SGCZ: variants seen among roughly 807,000 people sequenced by gnomAD.
The protein encoded by SGCZ is zeta-sarcoglycan.
A neutral mutation model predicts 41.3 loss-of-function variants in SGCZ; 40 were observed. The ratio of observed to expected loss-of-function variants is 0.97; its 90% CI spans 0.75 to 1.26. The LOEUF (loss-of-function observed/expected upper bound fraction) is 1.26, where lower values mean the gene tolerates loss of function less well. SGCZ is among the 50% of genes most tolerant of loss of function. The pLI, the probability that SGCZ is intolerant of heterozygous loss-of-function variation, is 0.00. For synonymous variants in SGCZ, 206 were observed against 137.5 expected, an observed-to-expected ratio of 1.50 and a Z score of -3.49; for missense variants, 552 against 369.8, an observed-to-expected ratio of 1.49 and a Z score of -4.04.
At chr8:14,452,912 C>T (rs878995679) in intron 2 of SGCZ, among the ~76,000 whole-genome samples, 3 of 151,840 alleles carry the variant, frequency 2.0e-5, no homozygotes. Context: ...AGACCAGCTT[C>T]GTCAACATGG....
chr8:14,628,327 A>C (rs548664509), intron 1 of SGCZ, among the ~76,000 whole-genome samples: 2 of 144,432 alleles, frequency 1.4e-5, no homozygotes, highest in African/African-American at 5.0e-5. Context: ...CTATAAGGAA[A>C]GAAAATATTA....
chr8:14,290,020 C>T (rs1051938322), intron 3 of SGCZ, among the ~76,000 whole-genome samples: 2 of 151,886 alleles, frequency 1.3e-5, no homozygotes, highest in African/African-American at 4.8e-5. Flanking sequence ...CCAGCATTAT[C>T]ACGAGAACAG....
chr8:15,133,409 G>C (rs776171977), intron 1 of SGCZ, among the ~76,000 whole-genome samples: 4 of 152,072 alleles, frequency 2.6e-5, no homozygotes, highest in African/African-American at 4.8e-5. Context: ...ATCTCTACAG[G>C]TCATGATTTC....
At chr8:15,209,450 G>A (rs1025084382) in intron 1 of SGCZ, among the ~76,000 whole-genome samples, 1 of 146,006 alleles carries the variant, frequency 6.8e-6, no homozygotes, top group Non-Finnish European at 1.5e-5. Flanking sequence ...CACAGGAACA[G>A]CGAAGTTACG....
intron 1 of SGCZ, among the ~76,000 whole-genome samples, chr8:14,769,891 C>A (rs1252697241): frequency 6.8e-6 from 1 of 147,838 alleles, no homozygotes; most frequent in Admixed American, 6.8e-5. Flanking sequence ...CAAGGTGCAA[C>A]TCGATTGGAC....
chr8:14,300,640 G>A (rs540413595), intron 3 of SGCZ, among the ~76,000 whole-genome samples: 7 of 151,930 alleles, frequency 4.6e-5, no homozygotes, highest in South Asian at 2.1e-4. Context: ...ATAAGTAATC[G>A]CTGGGTGGAA....
chr8:14,408,091 TCTAA>T lies in SGCZ; in HGVS notation c.235-83891_235-83888del, dbSNP rs200259569. ...GGGAATTCACTTCCTTTTCACATTC[TCTAA>T]CTACCTCTTTTACTTCAATAGCATG... On this transcript the variant is annotated intron_variant, in intron 2 of 7. Coordinates refer to ENST00000382080, the MANE Select transcript of SGCZ (RefSeq NM_139167.4). Among the ~76,000 whole-genome samples, 237 of 152,288 alleles carry T rather than the reference TCTAA, an allele frequency of 1.6e-3. 1 individual carries two copies. Among genetic ancestry groups the T allele is most frequent in the Admixed American group, 0.014 (207 of 15,288 alleles).
intron 3 of SGCZ, among the ~76,000 whole-genome samples, chr8:14,272,493 T>A (rs1265530160): frequency 6.6e-6 from 1 of 152,186 alleles, no homozygotes; most frequent in African/African-American, 2.4e-5. Context: ...GTGGGGTGAA[T>A]GACTTAATGT....
intron 1 of SGCZ, among the ~76,000 whole-genome samples, chr8:14,799,600 C>T (rs1453748160): frequency 1.3e-5 from 2 of 152,092 alleles, no homozygotes; most frequent in Non-Finnish European, 2.9e-5. Context: ...CTCAAGTTCC[C>T]CTTCTGAACT....
intron 1 of SGCZ, among the ~76,000 whole-genome samples, chr8:15,210,887 C>T (rs1902621): frequency 1.3e-5 from 2 of 151,832 alleles, no homozygotes; most frequent in Admixed American, 6.6e-5. Flanking sequence ...TTTAGAACCC[C>T]ACATCCAGCA....
intron 3 of SGCZ, chr8:14,309,569 C>T: frequency 6.2e-7 from 1 of 1,610,702 alleles, no homozygotes; most frequent in Non-Finnish European, 8.5e-7. Flanking sequence ...GACGGTATAA[C>T]AAGGAAAGGT....
intron 1 of SGCZ, among the ~76,000 whole-genome samples, chr8:14,762,699 T>C (rs1230729813): frequency 1.3e-5 from 2 of 152,244 alleles, no homozygotes; most frequent in Non-Finnish European, 2.9e-5. Context: ...ATCTTTTTTC[T>C]GTCTTCTACA....
intron 1 of SGCZ, among the ~76,000 whole-genome samples, chr8:14,817,562 G>A (rs963118233): frequency 6.6e-6 from 1 of 152,108 alleles, no homozygotes; most frequent in Non-Finnish European, 1.5e-5. Context: ...CCATTCCTGA[G>A]ACACCATTGT....
chr8:14,425,638 G>GAAAAAA (rs57843802), intron 2 of SGCZ, among the ~76,000 whole-genome samples: 1 of 144,478 alleles, frequency 6.9e-6, no homozygotes, highest in African/African-American at 2.5e-5. Flanking sequence ...AAAAGAAAAA[G>GAAAAAA]AAAAAAAAAA....
At chr8:14,718,356 T>A (rs985087290) in intron 1 of SGCZ, among the ~76,000 whole-genome samples, 4 of 151,924 alleles carry the variant, frequency 2.6e-5, no homozygotes, top group Admixed American at 2.0e-4. Context: ...TCAGGAAAAG[T>A]AGACAGAAAG....
chr8:14,782,379 G>A (rs1800618256), intron 1 of SGCZ, among the ~76,000 whole-genome samples: 1 of 152,080 alleles, frequency 6.6e-6, no homozygotes, highest in Admixed American at 6.5e-5. Context: ...GTAAGCTTCT[G>A]TTTTGTTTTG....
chr8:15,061,182 GA>G (rs1310101113), intron 1 of SGCZ, among the ~76,000 whole-genome samples: 2 of 151,880 alleles, frequency 1.3e-5, no homozygotes, highest in African/African-American at 2.4e-5. Context: ...ATAGTATTAA[GA>G]GGGGGGAACA....
chr8:14,210,572 C>T (rs1199503396), intron 4 of SGCZ, among the ~76,000 whole-genome samples: 16 of 151,924 alleles, frequency 1.1e-4, no homozygotes, highest in Admixed American at 1.0e-3. Context: ...AAGAGATTCT[C>T]ATGCCTCAGC....
chr8:14,935,304 A>G (rs974979735), intron 1 of SGCZ, among the ~76,000 whole-genome samples: 13 of 151,722 alleles, frequency 8.6e-5, no homozygotes, highest in Non-Finnish European at 1.6e-4. Context: ...GCTTAATACT[A>G]CATTTGTGAC....
Sources: allele counts gnomAD v4.1 joint callset (sites outside exome capture counted in the v4.1 genomes callset), GRCh38; gene constraint gnomAD v4.1.1; transcripts MANE v1.5; gene names NCBI Gene and HGNC (gene_info 2026-07-23, HGNC 2026-07-21).